FGF12: variants seen among roughly 807,000 people sequenced by gnomAD.
FGF12 encodes the protein fibroblast growth factor 12, also known as fibroblast growth factor 12B.
A neutral mutation model predicts 23.6 loss-of-function variants in FGF12; 14 were observed. That is an observed-to-expected ratio of 0.59 (90% confidence interval 0.39 to 0.93). The LOEUF is 0.93. FGF12 is among the 40% of genes least tolerant of loss of function. The pLI, the probability that FGF12 is intolerant of heterozygous loss-of-function variation, is 0.00. For synonymous variants in FGF12, 62 were observed against 77.3 expected, an observed-to-expected ratio of 0.80 and a Z score of 1.04; for missense variants, 175 against 217.8, an observed-to-expected ratio of 0.80 and a Z score of 1.24.
At chr3:192,365,766 G>A (rs1718953699) in intron 2 of FGF12, among the ~76,000 whole-genome samples, 1 of 151,952 alleles carries the variant, frequency 6.6e-6, no homozygotes, top group African/African-American at 2.4e-5. Flanking sequence ...CAGAAAAGCT[G>A]ACACATGCTG....
chr3:192,628,442 T>TAC (rs60991895), intron 2 of FGF12, among the ~76,000 whole-genome samples: 2,719 of 134,936 alleles, frequency 0.02, 96 homozygotes, highest in African/African-American at 0.068. Context: ...ACCAAAGGAA[T>TAC]ACACACACAC....
chr3:192,362,561 TC>T (rs1718782594), intron 2 of FGF12, among the ~76,000 whole-genome samples: 1 of 152,202 alleles, frequency 6.6e-6, no homozygotes, highest in Non-Finnish European at 1.5e-5. Flanking sequence ...ACAGGCAGCT[TC>T]TGATGTGGTA....
At chr3:192,718,984 G>A (rs1200691940) in intron 2 of FGF12, among the ~76,000 whole-genome samples, 2 of 149,494 alleles carry the variant, frequency 1.3e-5, no homozygotes, top group Non-Finnish European at 3.0e-5. Context: ...TGGGCAAACC[G>A]AGTTAAAAAA....
At chr3:192,419,969 A>C (rs1721471995) in intron 2 of FGF12, among the ~76,000 whole-genome samples, 2 of 152,174 alleles carry the variant, frequency 1.3e-5, no homozygotes, top group African/African-American at 2.4e-5. Context: ...TTTGAGAATA[A>C]GAAAAAGAAA....
chr3:192,310,547 T>C (rs948663002), intron 4 of FGF12, among the ~76,000 whole-genome samples: 6 of 152,196 alleles, frequency 3.9e-5, no homozygotes, highest in Non-Finnish European at 8.8e-5. Flanking sequence ...AATTGATACA[T>C]ACATTTCTAT....
intron 2 of FGF12, among the ~76,000 whole-genome samples, chr3:192,391,980 A>G (rs1052863415): frequency 5.3e-5 from 8 of 152,176 alleles, no homozygotes; most frequent in Admixed American, 3.3e-4. Flanking sequence ...TTGCTACTCA[A>G]TGTGTGGTCA....
intron 4 of FGF12, among the ~76,000 whole-genome samples, chr3:192,264,679 A>G (rs796987991): frequency 5.9e-5 from 9 of 152,252 alleles, no homozygotes; most frequent in African/African-American, 2.2e-4. Flanking sequence ...TTTATTGAGT[A>G]GAATCTTATG....
At position 192,141,154 on chromosome 3, in the gene FGF12, A is replaced by AAAAAAAAAAAAAT. The variant is rs1553840885; in HGVS notation, c.*2854_*2855insATTTTTTTTTTTT. 5 of 136,610 alleles carry AAAAAAAAAAAAAT rather than the reference A, an allele frequency of 3.7e-5. No homozygotes were observed. The highest frequency in any genetic ancestry group is 7.5e-5 in the Admixed American group (1 of 13,408). 8.5% of individuals were successfully genotyped at this position (136,610 alleles called of 1,614,324 possible). A position where few individuals can be genotyped will look rare whatever the true frequency, so the allele number is the denominator to read the frequency against. The stretch of plus-strand genomic sequence containing the variant: ...AAAAAAAAAAAAAAAAAAAAAAAAA[A>AAAAAAAAAAAAAT]GCTTATTTTACTTAAAAAGGAAAAG... On this transcript the variant is annotated 3_prime_UTR_variant, in exon 6 of 6. Coordinates refer to ENST00000445105, the MANE Select transcript of FGF12 (RefSeq NM_004113.6).
chr3:192,645,947 G>T (rs1408078900), intron 2 of FGF12, among the ~76,000 whole-genome samples: 1 of 152,072 alleles, frequency 6.6e-6, no homozygotes, highest in East Asian at 1.9e-4. Context: ...TCTAGACTGA[G>T]TTGGGGAGTA....
intron 3 of FGF12, 38 bp from the exon 4 acceptor site, chr3:192,335,502 C>T: frequency 1.6e-6 from 2 of 1,224,888 alleles, no homozygotes; most frequent in Non-Finnish European, 2.4e-6. Flanking sequence ...GGATCAGTGA[C>T]CTTTTGAATA....
At chr3:192,506,968 T>G (rs1724325486) in intron 2 of FGF12, among the ~76,000 whole-genome samples, 1 of 149,028 alleles carries the variant, frequency 6.7e-6, no homozygotes, top group East Asian at 2.0e-4. Flanking sequence ...CTCGGCTCAC[T>G]GAAAGCTCCG....
intron 4 of FGF12, among the ~76,000 whole-genome samples, chr3:192,182,773 T>C (rs574680927): frequency 9.2e-5 from 14 of 152,172 alleles, no homozygotes; most frequent in Non-Finnish European, 1.5e-4. Flanking sequence ...CTGAAATTCC[T>C]CCTCCAACAC....
chr3:192,480,416 C>T (rs2108818927), intron 2 of FGF12, among the ~76,000 whole-genome samples: 1 of 152,254 alleles, frequency 6.6e-6, no homozygotes, highest in Non-Finnish European at 1.5e-5. Context: ...GAGCCCATGG[C>T]TAATTCTAGG....
chr3:192,230,808 G>C (rs1718979330), intron 4 of FGF12, among the ~76,000 whole-genome samples: 1 of 152,008 alleles, frequency 6.6e-6, no homozygotes, highest in South Asian at 2.1e-4. Flanking sequence ...GAAATGTAAG[G>C]AATGATCAAT....
intron 2 of FGF12, among the ~76,000 whole-genome samples, chr3:192,560,122 T>C (rs1243529174): frequency 6.6e-6 from 1 of 152,010 alleles, no homozygotes; most frequent in African/African-American, 2.4e-5. Context: ...ACAGCACATT[T>C]GTAAATCACC....
intron 4 of FGF12, among the ~76,000 whole-genome samples, chr3:192,245,976 CT>C (rs1711546866): frequency 1.3e-5 from 2 of 152,234 alleles, no homozygotes; most frequent in South Asian, 4.1e-4. Flanking sequence ...TTAAAAAACA[CT>C]TAAAAACTTA....
At chr3:192,224,433 A>C (rs1188918890) in intron 4 of FGF12, among the ~76,000 whole-genome samples, 1 of 152,176 alleles carries the variant, frequency 6.6e-6, no homozygotes, top group Non-Finnish European at 1.5e-5. Context: ...GGCTTGATAA[A>C]GTGAAAAGAC....
chr3:192,518,501 G>A (rs563504793), intron 2 of FGF12, among the ~76,000 whole-genome samples: 9 of 152,254 alleles, frequency 5.9e-5, no homozygotes, highest in African/African-American at 2.2e-4. Flanking sequence ...GGCATCAGCT[G>A]TGCAATTAAT....
chr3:192,655,716 C>T (rs766832978), intron 2 of FGF12, among the ~76,000 whole-genome samples: 3 of 151,994 alleles, frequency 2.0e-5, no homozygotes, highest in East Asian at 1.9e-4. Context: ...AATAGATGGA[C>T]GAGTGTCCCA....
Sources: allele counts gnomAD v4.1 joint callset (sites outside exome capture counted in the v4.1 genomes callset), GRCh38; gene constraint gnomAD v4.1.1; transcripts MANE v1.5; gene names NCBI Gene and HGNC (gene_info 2026-07-23, HGNC 2026-07-21).